PRKACB: variants seen among roughly 807,000 people sequenced by gnomAD.
The protein encoded by PRKACB is cAMP-dependent protein kinase catalytic subunit beta.
PRKACB carries 16 observed loss-of-function variants against 51.4 expected under a neutral mutation model. The observed-to-expected ratio is 0.31, with a 90% CI of 0.21 to 0.47. The LOEUF (loss-of-function observed/expected upper bound fraction) is 0.47. Ranked by LOEUF, PRKACB falls within the 20% of genes least tolerant of loss-of-function variation. The pLI, the probability that PRKACB is intolerant of heterozygous loss-of-function variation, is 1.00. For missense variants in PRKACB, 309 were observed against 464.5 expected (o/e 0.67, Z 3.08); for synonymous variants, 147 against 154.4 (o/e 0.95, Z 0.35).
rs12026066 is a variant in PRKACB at position 84,209,177 on chromosome 1, T to C, written c.907-4976T>C. Among the ~76,000 whole-genome samples the C allele has an allele frequency of 3.8e-4, 58 of 152,318 alleles. No individual in the cohort carries two copies. In the East Asian group the frequency reaches 0.01, roughly 27 times the overall value. On this transcript the variant is annotated intron_variant, in intron 8 of 9. Coordinates refer to ENST00000370685, the MANE Select transcript of PRKACB (RefSeq NM_182948.4). ...GCTTGATCCCCTTCTCTTCTTTCTA[T>C]GCACTTCCTCAATGGGTGGTTTCAT...
chr1:84,227,106 T>G (rs1674742434), intron 9 of PRKACB, among the ~76,000 whole-genome samples: 1 of 152,156 alleles, frequency 6.6e-6, no homozygotes, highest in South Asian at 2.1e-4. Context: ...TCATAAGTTT[T>G]ATTAGTCTAC....
chr1:84,125,707 A>G (rs1211012543), intron 1 of PRKACB, among the ~76,000 whole-genome samples: 2 of 152,242 alleles, frequency 1.3e-5, no homozygotes, highest in Non-Finnish European at 2.9e-5. Context: ...TAATACAACC[A>G]GAAGTATAAA....
upstream of PRKACB, among the ~76,000 whole-genome samples, chr1:84,141,721 A>C (rs1653439211): frequency 6.6e-6 from 1 of 152,186 alleles, no homozygotes; most frequent in Non-Finnish European, 1.5e-5. Flanking sequence ...ATATAAATAA[A>C]AAATCTGGCT....
intron 1 of PRKACB, chr1:84,164,396 T>C (rs1656730198): frequency 1.3e-6 from 2 of 1,574,204 alleles, no homozygotes; most frequent in Non-Finnish European, 8.6e-7. Context: ...TGCTGTTTGC[T>C]CCTTGCCAGG....
chr1:84,217,036 A>G (rs909587362), intron 9 of PRKACB, among the ~76,000 whole-genome samples: 5 of 152,216 alleles, frequency 3.3e-5, no homozygotes, highest in African/African-American at 1.2e-4. Flanking sequence ...TTAGGTAGAC[A>G]TTGATCTGAA....
chr1:84,195,892 A>C (rs1222323847), intron 5 of PRKACB, among the ~76,000 whole-genome samples: 2 of 143,142 alleles, frequency 1.4e-5, no homozygotes, highest in African/African-American at 5.2e-5. Flanking sequence ...CAGCCTGGGC[A>C]ACAGAGCAAG....
chr1:84,225,149 G>A (rs1311462934), intron 9 of PRKACB, among the ~76,000 whole-genome samples: 2 of 152,188 alleles, frequency 1.3e-5, no homozygotes, highest in African/African-American at 2.4e-5. Context: ...GACTCTGGTA[G>A]GCAGGGAAGG....
chr1:84,121,148 A>T (rs1412020273), intron 1 of PRKACB, among the ~76,000 whole-genome samples: 1 of 152,076 alleles, frequency 6.6e-6, no homozygotes, highest in Non-Finnish European at 1.5e-5. Context: ...ATGAAACAAC[A>T]TGCCTATTCA....
chr1:84,207,270 A>G (rs1671477656), intron 8 of PRKACB, among the ~76,000 whole-genome samples: 1 of 152,172 alleles, frequency 6.6e-6, no homozygotes, highest in Non-Finnish European at 1.5e-5. Flanking sequence ...GCAACCTTGT[A>G]GACTCATTAT....
intron 1 of PRKACB, among the ~76,000 whole-genome samples, chr1:84,160,088 G>C (rs978208053): frequency 6.6e-6 from 1 of 152,074 alleles, no homozygotes; most frequent in African/African-American, 2.4e-5. Flanking sequence ...GAATGAGTTG[G>C]GAAGTGTTCC....
At chr1:84,088,434 T>A (rs1020281050) in intron 1 of PRKACB, among the ~76,000 whole-genome samples, 21 of 152,204 alleles carry the variant, frequency 1.4e-4, no homozygotes, top group Non-Finnish European at 2.9e-4. Context: ...AAATGAATAT[T>A]CCATTTCTAT....
At chr1:84,139,047 G>A (rs918868213) in intron 1 of PRKACB, among the ~76,000 whole-genome samples, 2 of 152,200 alleles carry the variant, frequency 1.3e-5, no homozygotes, top group South Asian at 4.1e-4. Context: ...TCAATAAGGG[G>A]CATCTACAAA....
At chr1:84,136,180 C>T (rs1284267144) in intron 1 of PRKACB, among the ~76,000 whole-genome samples, 1 of 151,152 alleles carries the variant, frequency 6.6e-6, no homozygotes, top group Non-Finnish European at 1.5e-5. Context: ...TCAAAACTTA[C>T]ACAAGTGTAA....
chr1:84,128,309 AG>A (rs1651833759), intron 1 of PRKACB, among the ~76,000 whole-genome samples: 2 of 152,190 alleles, frequency 1.3e-5, no homozygotes, highest in Admixed American at 1.3e-4. Flanking sequence ...TAGACAGTAT[AG>A]GACACATAGA....
intron 1 of PRKACB, among the ~76,000 whole-genome samples, chr1:84,103,632 C>A (rs562006630): frequency 6.6e-6 from 1 of 152,278 alleles, no homozygotes; most frequent in Admixed American, 6.5e-5. Context: ...CCAGCTTAGA[C>A]CCCAGACATT....
At chr1:84,211,887 A>G (rs751015318) in intron 8 of PRKACB, among the ~76,000 whole-genome samples, 1 of 152,212 alleles carries the variant, frequency 6.6e-6, no homozygotes, top group Non-Finnish European at 1.5e-5. Context: ...AGAAGTTCAC[A>G]TATCTTATTA....
At chr1:84,078,316 C>A (rs973114533) in exon 1 of PRKACB, 5 of 1,609,708 alleles carry the variant, frequency 3.1e-6, no homozygotes, top group South Asian at 1.1e-5. Context: ...TTCTTGCCAT[C>A]GCCCCAGACA....
In PRKACB at chr1:84,164,318, A is replaced by G. The variant is rs1473164605; in HGVS notation, c.188-14859A>G. 13 of 1,531,032 alleles carry G rather than the reference A, an allele frequency of 8.5e-6. 1 individual carries two copies. In the Admixed American group the frequency reaches 2.0e-4, roughly 24 times the overall value. The allele number at this position is 1,531,032 out of a possible 1,614,324, so 94.8% of individuals were successfully genotyped here. A position where few individuals can be genotyped will look rare whatever the true frequency, so the allele number is the denominator to read the frequency against. The stretch of plus-strand genomic sequence containing the variant: ...ACTAGCAACAGCACACAGCATTTTA[A>G]TATCAGTGAGGTCCACAGCTAGCAG... On this transcript the variant is annotated intron_variant, in intron 1 of 9. Transcript: ENST00000370685.
chr1:84,099,526 G>T (rs1010408703), intron 1 of PRKACB, among the ~76,000 whole-genome samples: 5 of 151,852 alleles, frequency 3.3e-5, no homozygotes, highest in African/African-American at 1.2e-4. Context: ...ATATCTAATT[G>T]AGAAAGTAAT....
Sources: allele counts gnomAD v4.1 joint callset (sites outside exome capture counted in the v4.1 genomes callset), GRCh38; gene constraint gnomAD v4.1.1; transcripts MANE v1.5; gene names NCBI Gene and HGNC (gene_info 2026-07-23, HGNC 2026-07-21).